The following SCN3A variants were observed in gnomAD, a reference collection of about 807,000 sequenced individuals.
SCN3A encodes sodium channel protein type 3 subunit alpha.
Under a neutral mutation model 187.6 loss-of-function variants are expected in SCN3A, and 60 were observed. That is an observed-to-expected ratio of 0.32 (90% CI 0.26 to 0.40). The LOEUF (loss-of-function observed/expected upper bound fraction) is 0.40. Among genes scored for constraint, SCN3A ranks in the 10% least tolerant of loss-of-function variants. SCN3A has a pLI of 1.00. For synonymous variants in SCN3A, 788 were observed against 829.2 expected (o/e 0.95, Z 0.85); for missense variants, 1,601 against 2,428.2 (o/e 0.66, Z 7.16).
chr2:165,163,883 C>CT, intron 6 of SCN3A, 174 bp from the exon 7 acceptor site: 1 of 1,613,598 alleles, frequency 6.2e-7, no homozygotes, highest in Non-Finnish European at 8.5e-7. Flanking sequence ...CTTACAAATT[C>CT]TGTTACATAC....
chr2:165,129,028 C>T (rs1574162269), intron 17 of SCN3A, among the ~76,000 whole-genome samples: 1 of 152,114 alleles, frequency 6.6e-6, no homozygotes, highest in African/African-American at 2.4e-5. Context: ...GGCAAAAGCC[C>T]CAGTTTGCTT....
intron 21 of SCN3A, among the ~76,000 whole-genome samples, chr2:165,102,642 T>C (rs1050000580): frequency 2.6e-4 from 40 of 152,316 alleles, no homozygotes; most frequent in African/African-American, 8.9e-4. Context: ...GGCATGGAAT[T>C]GTGTGTTGTT....
intron 5 of SCN3A, among the ~76,000 whole-genome samples, chr2:165,166,225 T>G (rs994713864): frequency 2.6e-5 from 4 of 152,130 alleles, no homozygotes; most frequent in African/African-American, 9.7e-5. Context: ...ACATTTGGAA[T>G]GTATGGGAAG....
chr2:165,154,829 G>A (rs911281911), intron 10 of SCN3A, among the ~76,000 whole-genome samples, 171 bp from the exon 11 acceptor site: 1 of 152,114 alleles, frequency 6.6e-6, no homozygotes, highest in East Asian at 1.9e-4. Context: ...TTAAGAATCA[G>A]ATTATTTGAG....
chr2:165,169,567 T>G (rs555068432), intron 4 of SCN3A, among the ~76,000 whole-genome samples: 3,502 of 142,700 alleles, frequency 0.025, 116 homozygotes, highest in African/African-American at 0.081. Flanking sequence ...TATGATTATT[T>G]TGAGATAAAT....
At chr2:165,153,986 C>CCTTTTTTTTTT (rs1559237785) in intron 11 of SCN3A, among the ~76,000 whole-genome samples, 1 of 39,164 alleles carries the variant, frequency 2.6e-5, no homozygotes, top group African/African-American at 1.3e-4. Flanking sequence ...CTATAGCAAA[C>CCTTTTTTTTTT]ATTTTTTTTT....
chr2:165,119,414 A>C (rs74946053), intron 18 of SCN3A, among the ~76,000 whole-genome samples: 1,688 of 152,244 alleles, frequency 0.011, 27 homozygotes, highest in African/African-American at 0.033. Flanking sequence ...ATTATGATCT[A>C]CTACCTGATA....
chr2:165,197,384 G>A (rs1414137040), intron 1 of SCN3A, among the ~76,000 whole-genome samples: 1 of 152,056 alleles, frequency 6.6e-6, no homozygotes, highest in Non-Finnish European at 1.5e-5. Context: ...GAGCTTTTAA[G>A]CAAATATTGA....
At chr2:165,151,369 T>C (rs907622658) in intron 11 of SCN3A, among the ~76,000 whole-genome samples, 1 of 152,216 alleles carries the variant, frequency 6.6e-6, no homozygotes, top group African/African-American at 2.4e-5. Flanking sequence ...GCCATTCATC[T>C]GAAAAAAATC....
At position 165,130,261 on chromosome 2, in the gene SCN3A, T is replaced by C. The variant is rs199679106; in HGVS notation, c.2601A>G (p.Thr867=). The C allele has an allele frequency of 6.2e-7, 1 of 1,614,150 alleles. No homozygotes were observed. The highest frequency in any genetic ancestry group is 8.5e-7 in the Non-Finnish European group (1 of 1,180,016). Residue 867 remains threonine, a synonymous_variant, in exon 17 of 28, where the codon ACA becomes ACG. Transcript: ENST00000283254. ...RVFKLAKSWP[T]LNMLIKIIGN... ...CAATGATCTTAATTAGCATATTTAG[T>C]GTGGGCCAGGATTTTGCCAACTTGA...
intron 3 of SCN3A, among the ~76,000 whole-genome samples, chr2:165,175,105 A>G (rs1373091743): frequency 6.6e-6 from 1 of 152,190 alleles, no homozygotes; most frequent in African/African-American, 2.4e-5. Flanking sequence ...AATGGTTGTC[A>G]TTGCCTTTAG....
chr2:165,191,061 T>TTG (rs767382718), intron 1 of SCN3A, among the ~76,000 whole-genome samples: 2 of 57,526 alleles, frequency 3.5e-5, no homozygotes, highest in Non-Finnish European at 1.1e-4. Context: ...TTTTACGTTG[T>TTG]TTTTTTTTTT....
intron 23 of SCN3A, 102 bp from the exon 24 acceptor site, chr2:165,096,622 C>T (rs927037532): frequency 1.3e-6 from 1 of 742,228 alleles, no homozygotes; most frequent in Admixed American, 2.3e-5. Flanking sequence ...ACTTTTTGTA[C>T]AATATTGTGA....
At chr2:165,193,353 A>G (rs1036289603) in intron 1 of SCN3A, among the ~76,000 whole-genome samples, 6 of 152,282 alleles carry the variant, frequency 3.9e-5, no homozygotes, top group African/African-American at 1.4e-4. Flanking sequence ...TCCATAAGTG[A>G]ACATTCTCTC....
chr2:165,195,831 C>G (rs1691914104), intron 1 of SCN3A, among the ~76,000 whole-genome samples: 1 of 152,074 alleles, frequency 6.6e-6, no homozygotes, highest in African/African-American at 2.4e-5. Context: ...TATCTTAACT[C>G]TAGTGTTTAT....
At position 165,089,908 on chromosome 2, in the gene SCN3A, G is replaced by T. The variant is rs145496373; in HGVS notation, c.*242C>A. 593 of 535,692 alleles carry T rather than the reference G, an allele frequency of 1.1e-3. 4 individuals are homozygous for T. Among genetic ancestry groups the T allele is most frequent in the African/African-American group, 1.0e-2 (524 of 52,620 alleles). 33.2% of individuals were successfully genotyped at this position (535,692 alleles called of 1,614,324 possible). A position where few individuals can be genotyped will look rare whatever the true frequency, so the allele number is the denominator to read the frequency against. On this transcript the variant is annotated 3_prime_UTR_variant, in exon 28 of 28. Coordinates refer to ENST00000283254, the MANE Select transcript of SCN3A (RefSeq NM_006922.4). The stretch of plus-strand genomic sequence containing the variant: ...ATCCCTATAGTCTAGGTAGCCATTG[G>T]GTTTCTCCTCAGCAGTGTCAGCTGG...
At chr2:165,107,536 T>A (rs6756406) in intron 21 of SCN3A, among the ~76,000 whole-genome samples, 24,245 of 152,318 alleles carry the variant, frequency 0.16, 1,976 homozygotes, top group Middle Eastern at 0.22. Flanking sequence ...TCTAATTCTC[T>A]GCACAAGGGT....
At chr2:165,186,164 G>A (rs1453254538) in intron 2 of SCN3A, among the ~76,000 whole-genome samples, 1 of 152,062 alleles carries the variant, frequency 6.6e-6, no homozygotes, top group Non-Finnish European at 1.5e-5. Flanking sequence ...CAGCTACTCA[G>A]GAGGCTGAGG....
rs1685258965 is a variant in SCN3A, at chr2:165,094,413, A to G, written c.4497T>C (p.Leu1499=). 1.9e-6 allele frequency: 3 copies of G among 1,613,868 alleles called. No homozygotes were observed. Among genetic ancestry groups the G allele is most frequent in the African/African-American group, 1.3e-5 (1 of 75,026 alleles). Residue 1499 remains leucine (L), a synonymous_variant, in exon 26 of 28, where the codon CTT becomes CTC. Transcript: ENST00000283254. ...QKKYYNAMKK[L]GSKKPQKPIP... Reference sequence around the variant, plus strand: ...TGGGTTTCTGAGGTTTCTTGGATCCAAGTTTCTTCATTGCATTGTAATATT... The same window carrying G: ...TGGGTTTCTGAGGTTTCTTGGATCCGAGTTTCTTCATTGCATTGTAATATT...
Sources: gnomAD v4.1 joint callset for allele counts (sites outside exome capture counted in the v4.1 genomes callset) on GRCh38, gnomAD v4.1.1 for gene constraint, MANE v1.5 for transcripts, NCBI Gene and HGNC (gene_info 2026-07-23, HGNC 2026-07-21) for gene names.